EPCIP: variants seen among roughly 807,000 people sequenced by gnomAD.
The protein encoded by EPCIP is exosomal polycystin-1-interacting protein.
the EPCIP span, chr21:32,798,498 A>G: frequency 6.6e-6 from 1 of 152,216 alleles, no homozygotes; most frequent in Non-Finnish European, 1.5e-5. Flanking sequence ...ATGACAGCCT[A>G]TTCTGCTGGA....
the EPCIP span, among the ~76,000 whole-genome samples, chr21:32,809,069 G>C: frequency 3.2e-4 from 48 of 151,992 alleles, no homozygotes; most frequent in Middle Eastern, 6.8e-3. Flanking sequence ...TAATGACCCA[G>C]AGACCAGGCA....
the EPCIP span, chr21:32,813,598 G>C: frequency 2.1e-6 from 1 of 471,162 alleles, no homozygotes; most frequent in East Asian, 6.9e-5. Context: ...TTACATCTGA[G>C]AGTTCCACCG....
chr21:32,811,376 CCCA>C, the EPCIP span, among the ~76,000 whole-genome samples: 2 of 152,162 alleles, frequency 1.3e-5, no homozygotes, highest in South Asian at 4.1e-4. Flanking sequence ...AAGTGATCCA[CCCA>C]CCACAGCCTC....
At chr21:32,794,035 C>T in the EPCIP span, 1 of 1,614,166 alleles carries the variant, frequency 6.2e-7, no homozygotes. Flanking sequence ...GCTTGGCCTC[C>T]ATGTTGATGC....
At chr21:32,809,279 C>CCTTCCTTT in the EPCIP span, among the ~76,000 whole-genome samples, 444 of 80,052 alleles carry the variant, frequency 5.5e-3, 3 homozygotes, top group African/African-American at 0.019. Flanking sequence ...CTCCCTCCTT[C>CCTTCCTTT]CTTTCTTTCT....
At chr21:32,803,325 G>A in the EPCIP span, among the ~76,000 whole-genome samples, 111 of 152,340 alleles carry the variant, frequency 7.3e-4, no homozygotes, top group Non-Finnish European at 9.1e-4. Context: ...TAGAGAGATA[G>A]CAAGGATCAA....
chr21:32,794,274 G>A, the EPCIP span: 7 of 1,614,244 alleles, frequency 4.3e-6, no homozygotes, highest in Middle Eastern at 1.7e-4. Context: ...TCACAATCCC[G>A]GATGTCCGCA....
the EPCIP span, among the ~76,000 whole-genome samples, chr21:32,801,097 G>A: frequency 2.0e-5 from 3 of 152,282 alleles, no homozygotes; most frequent in African/African-American, 7.2e-5. Context: ...CGAAGGAACC[G>A]ACGGCCCTAG....
chr21:32,797,498 T>C, the EPCIP span: 1 of 157,254 alleles, frequency 6.4e-6, no homozygotes, highest in Admixed American at 6.1e-5. Flanking sequence ...GATCCACCCA[T>C]CTTGGCCTCC....
chr21:32,799,026 G>A, the EPCIP span: 1 of 152,062 alleles, frequency 6.6e-6, no homozygotes, highest in Non-Finnish European at 1.5e-5. Context: ...TAAATATTAG[G>A]AGGCAAAAAT....
chr21:32,812,912 T>C, the EPCIP span, among the ~76,000 whole-genome samples: 1 of 152,220 alleles, frequency 6.6e-6, no homozygotes, highest in African/African-American at 2.4e-5. Context: ...TTATTTATCA[T>C]GCTTTTTCAC....
the EPCIP span, among the ~76,000 whole-genome samples, chr21:32,799,390 C>T: frequency 6.6e-6 from 1 of 152,214 alleles, no homozygotes; most frequent in African/African-American, 2.4e-5. Context: ...CAAGAATCTT[C>T]AAGGATTTTT....
the EPCIP span, among the ~76,000 whole-genome samples, chr21:32,803,144 C>G: frequency 1.3e-5 from 2 of 152,174 alleles, no homozygotes; most frequent in African/African-American, 2.4e-5. Context: ...GATGTGCCTT[C>G]CTCTTAACTC....
chr21:32,805,456 T>C, the EPCIP span, among the ~76,000 whole-genome samples: 1 of 151,954 alleles, frequency 6.6e-6, no homozygotes, highest in Admixed American at 6.6e-5. Flanking sequence ...TTGCATCCCG[T>C]GTTCAAGCAA....
At chr21:32,805,385 C>A in the EPCIP span, among the ~76,000 whole-genome samples, 7 of 149,994 alleles carry the variant, frequency 4.7e-5, no homozygotes, top group African/African-American at 7.4e-5. Context: ...GATGGAGTCT[C>A]GCTCTGTCAC....
chr21:32,809,313 T>TTTCTTTCTTTCTTTCC, the EPCIP span, among the ~76,000 whole-genome samples: 1 of 143,904 alleles, frequency 6.9e-6, no homozygotes, highest in Admixed American at 7.1e-5. Context: ...TCTTTCTTTC[T>TTTCTTTCTTTCTTTCC]TTCTTTCTTT....
the EPCIP span, among the ~76,000 whole-genome samples, chr21:32,808,699 C>A: frequency 6.6e-6 from 1 of 152,290 alleles, no homozygotes; most frequent in East Asian, 1.9e-4. Flanking sequence ...CTAAGGACAT[C>A]TGAATAATGT....
At chr21:32,798,171 CAAATA>C in the EPCIP span, 30 of 152,282 alleles carry the variant, frequency 2.0e-4, no homozygotes, top group African/African-American at 6.3e-4. Context: ...ATAATCTCTA[CAAATA>C]AAATAAATTA....
chr21:32,805,589 T>C, the EPCIP span, among the ~76,000 whole-genome samples: 1 of 152,262 alleles, frequency 6.6e-6, no homozygotes, highest in South Asian at 2.1e-4. Context: ...CTCAAACTCC[T>C]GACCTCAAGT....
Sources: allele counts gnomAD v4.1 joint callset (sites outside exome capture counted in the v4.1 genomes callset), GRCh38; gene constraint gnomAD v4.1.1; transcripts MANE v1.5; gene names NCBI Gene and HGNC (gene_info 2026-07-23, HGNC 2026-07-21).